CMSS1: variants seen among roughly 807,000 people sequenced by gnomAD.
CMSS1 encodes cms1 ribosomal small subunit homolog, also known as protein CMSS1.
In CMSS1, 33 loss-of-function variants were observed where a neutral mutation model predicts 43.5. That is an observed-to-expected ratio of 0.76 (90% CI 0.57 to 1.01). CMSS1 has a LOEUF of 1.01. CMSS1 is among the 50% of genes least tolerant of loss of function. The pLI is 0.00. For synonymous variants in CMSS1, 115 were observed against 117.2 expected (o/e 0.98, Z 0.12); for missense variants, 313 against 326.4 (o/e 0.96, Z 0.32).
chr3:100,034,329 G>A (rs945371562), intron 1 of CMSS1, among the ~76,000 whole-genome samples: 7 of 152,198 alleles, frequency 4.6e-5, no homozygotes, highest in African/African-American at 1.4e-4. Context: ...CATGGCAGCA[G>A]TAAGAAGTTA....
At chr3:100,030,235 G>T (rs1292021180) in intron 1 of CMSS1, among the ~76,000 whole-genome samples, 3 of 152,096 alleles carry the variant, frequency 2.0e-5, no homozygotes, top group African/African-American at 7.2e-5. Context: ...CATTTTGACT[G>T]TATAGTATTG....
At chr3:99,946,660 C>T (rs1344806291) in intron 1 of CMSS1, among the ~76,000 whole-genome samples, 1 of 152,188 alleles carries the variant, frequency 6.6e-6, no homozygotes, top group Non-Finnish European at 1.5e-5. Flanking sequence ...AGTTACCATG[C>T]ACATCATAAT....
intron 1 of CMSS1, among the ~76,000 whole-genome samples, chr3:99,866,737 T>A (rs1005400615): frequency 6.6e-6 from 1 of 152,204 alleles, no homozygotes; most frequent in African/African-American, 2.4e-5. Context: ...CTCTTCCTAG[T>A]TCCTGAGGAT....
In CMSS1 at chr3:100,071,240, C is replaced by G. The variant is rs149861713; in HGVS notation, c.65-75733C>G. Among the ~76,000 whole-genome samples, 458 of 152,136 alleles carry G rather than the reference C, an allele frequency of 3.0e-3. 2 individuals are homozygous for G. The highest frequency in any genetic ancestry group is 0.01 in the African/African-American group (423 of 41,484). On this transcript the variant is annotated intron_variant, in intron 1 of 9. Coordinates refer to ENST00000421999, the MANE Select transcript of CMSS1 (RefSeq NM_032359.4). ...TAGATTTTATCCTGATTTTCTCTTA[C>G]TCACTTCATCTCCTGAGAGCTGAAT...
intron 2 of CMSS1, among the ~76,000 whole-genome samples, chr3:100,154,370 G>A (rs1192481407): frequency 1.3e-5 from 2 of 151,918 alleles, no homozygotes; most frequent in Non-Finnish European, 2.9e-5. Context: ...GACAATTGCT[G>A]AGTCATCTTC....
intron 1 of CMSS1, among the ~76,000 whole-genome samples, chr3:99,982,158 T>C (rs981247645): frequency 6.6e-6 from 1 of 152,158 alleles, no homozygotes; most frequent in Non-Finnish European, 1.5e-5. Flanking sequence ...TGCTATATAT[T>C]TCGGTATATG....
chr3:99,893,862 C>T (rs1029477721), intron 1 of CMSS1, among the ~76,000 whole-genome samples: 58 of 152,308 alleles, frequency 3.8e-4, no homozygotes, highest in African/African-American at 1.3e-3. Context: ...CAACCCAAGA[C>T]GTTTTGAAGG....
At chr3:100,093,002 TGA>T (rs2066139461) in intron 1 of CMSS1, among the ~76,000 whole-genome samples, 1 of 152,004 alleles carries the variant, frequency 6.6e-6, no homozygotes, top group South Asian at 2.1e-4. Context: ...TTCCATAAAT[TGA>T]GAATTTGTGG....
rs140002660 is a variant in CMSS1, at chr3:99,834,067, T to A, written c.64+16024T>A. 4.5e-3 allele frequency among the ~76,000 whole-genome samples: 680 copies of A among 152,236 alleles called. 7 individuals are homozygous for A. The highest frequency in any genetic ancestry group is 0.016 in the African/African-American group (666 of 41,528). On this transcript the variant is annotated intron_variant, in intron 1 of 9. Coordinates refer to ENST00000421999, the MANE Select transcript of CMSS1 (RefSeq NM_032359.4). ...CAAATCACTGCTAATTTATGGGGAG[T>A]GGTGGAATGGAAATAAGAGATAATG...
At chr3:100,046,547 G>A (rs2065282086) in intron 1 of CMSS1, among the ~76,000 whole-genome samples, 1 of 151,962 alleles carries the variant, frequency 6.6e-6, no homozygotes, top group African/African-American at 2.4e-5. Flanking sequence ...CCAGGATTTG[G>A]GATTGTTGTT....
At chr3:100,091,082 G>A (rs574738698) in intron 1 of CMSS1, among the ~76,000 whole-genome samples, 2 of 152,112 alleles carry the variant, frequency 1.3e-5, no homozygotes, top group African/African-American at 2.4e-5. Context: ...TCAGGAGATC[G>A]AGACCATCCT....
At chr3:99,939,211 C>G (rs1707783622) in intron 1 of CMSS1, among the ~76,000 whole-genome samples, 1 of 152,156 alleles carries the variant, frequency 6.6e-6, no homozygotes. Context: ...GTATCAGGCA[C>G]TTAGTATTTT....
At chr3:99,862,653 T>A (rs144930041) in intron 1 of CMSS1, among the ~76,000 whole-genome samples, 1 of 152,192 alleles carries the variant, frequency 6.6e-6, no homozygotes, top group Non-Finnish European at 1.5e-5. Context: ...CTACTGAATG[T>A]CTCCAGACAT....
chr3:99,834,437 T>G (rs1460961361), intron 1 of CMSS1, among the ~76,000 whole-genome samples: 3 of 152,186 alleles, frequency 2.0e-5, no homozygotes, highest in Non-Finnish European at 4.4e-5. Flanking sequence ...CTGTGGAAAT[T>G]ATACAGTCAG....
intron 1 of CMSS1, among the ~76,000 whole-genome samples, chr3:100,019,731 C>T (rs1470154449): frequency 7.2e-5 from 11 of 152,024 alleles, no homozygotes; most frequent in Admixed American, 2.6e-4. Context: ...TGTAAGACTG[C>T]GATTCACATT....
intron 1 of CMSS1, among the ~76,000 whole-genome samples, chr3:100,067,402 G>A (rs1223783162): frequency 6.6e-6 from 1 of 152,164 alleles, no homozygotes; most frequent in African/African-American, 2.4e-5. Flanking sequence ...GTATATATAA[G>A]AAAGGTGGAG....
In CMSS1 at chr3:99,971,109, G is replaced by A. The variant is rs572709860; in HGVS notation, c.64+153066G>A. On this transcript the variant is annotated intron_variant, in intron 1 of 9. Transcript: ENST00000421999. ...TCCCAGCACTTTGGGAGGCCAAGGCGGGCGGATCACTAGGTCAGGAGATCG... is the reference window on the plus strand; with the variant it reads ...TCCCAGCACTTTGGGAGGCCAAGGCAGGCGGATCACTAGGTCAGGAGATCG... 5.3e-5 allele frequency among the ~76,000 whole-genome samples: 8 copies of A among 152,234 alleles called. No homozygotes were observed. The South Asian group carries it at 1.2e-3, about 24-fold the overall frequency.
At chr3:99,873,946 C>A (rs1034279630) in intron 1 of CMSS1, among the ~76,000 whole-genome samples, 5 of 152,184 alleles carry the variant, frequency 3.3e-5, no homozygotes, top group Non-Finnish European at 5.9e-5. Context: ...CACATTCATT[C>A]TATCAAAAAC....
At chr3:99,862,726 T>A (rs1944323237) in intron 1 of CMSS1, among the ~76,000 whole-genome samples, 1 of 152,216 alleles carries the variant, frequency 6.6e-6, no homozygotes, top group South Asian at 2.1e-4. Flanking sequence ...GGGTAGACTG[T>A]TAGATTCTTT....
Sources: allele counts gnomAD v4.1 joint callset (sites outside exome capture counted in the v4.1 genomes callset), GRCh38; gene constraint gnomAD v4.1.1; transcripts MANE v1.5; gene names NCBI Gene and HGNC (gene_info 2026-07-23, HGNC 2026-07-21).